PDZRN4: variants seen among roughly 807,000 people sequenced by gnomAD.
The protein encoded by PDZRN4 is PDZ domain containing ring finger 4, also known as PDZ domain-containing RING finger protein 4.
Under a neutral mutation model 99.0 loss-of-function variants are expected in PDZRN4, and 70 were observed. The observed-to-expected ratio is 0.71, with a 90% CI of 0.58 to 0.86. The LOEUF is 0.86. Among genes scored for constraint, PDZRN4 ranks in the 40% least tolerant of loss-of-function variants. The pLI is 0.00. For synonymous variants in PDZRN4, 551 were observed against 501.6 expected, an observed-to-expected ratio of 1.10 and a Z score of -1.32; for missense variants, 1,474 against 1,331.2, an observed-to-expected ratio of 1.11 and a Z score of -1.67.
chr12:41,391,085 T>A (rs1466263347), intron 3 of PDZRN4, among the ~76,000 whole-genome samples: 2 of 152,166 alleles, frequency 1.3e-5, no homozygotes, highest in African/African-American at 4.8e-5. Flanking sequence ...GGTTTCTTGT[T>A]AAAATTCCAT....
chr12:41,398,493 G>A (rs1952266543), intron 3 of PDZRN4, among the ~76,000 whole-genome samples: 1 of 151,982 alleles, frequency 6.6e-6, no homozygotes, highest in Non-Finnish European at 1.5e-5. Flanking sequence ...AAAAATATTA[G>A]AACACTCCCC....
intron 3 of PDZRN4, among the ~76,000 whole-genome samples, chr12:41,336,085 C>T (rs1253282836): frequency 3.3e-5 from 5 of 152,092 alleles, no homozygotes; most frequent in African/African-American, 1.2e-4. Flanking sequence ...TAACAATTCT[C>T]ATTCAAAAGT....
chr12:41,364,252 G>A (rs1013616615), intron 3 of PDZRN4, among the ~76,000 whole-genome samples: 1 of 151,986 alleles, frequency 6.6e-6, no homozygotes, highest in African/African-American at 2.4e-5. Context: ...CCTTCCCACA[G>A]TAATCATTTA....
intron 3 of PDZRN4, among the ~76,000 whole-genome samples, chr12:41,310,147 G>T (rs377275909): frequency 1.7e-4 from 26 of 152,076 alleles, no homozygotes; most frequent in East Asian, 5.8e-4. Flanking sequence ...TAGCCAGGCT[G>T]GTCTTGAACT....
rs533191782 is a variant in PDZRN4, at chr12:41,527,358, T to A, written c.1203+17445T>A. ...TTTTCATAATGAGAAACTTGGACTTTACGCTACAGGTAATGGGACAGCAAT... is the reference window on the plus strand; with the variant it reads ...TTTTCATAATGAGAAACTTGGACTTAACGCTACAGGTAATGGGACAGCAAT... On this transcript the variant is annotated intron_variant, in intron 5 of 9. Coordinates refer to ENST00000402685, the MANE Select transcript of PDZRN4 (RefSeq NM_001164595.2). Among the ~76,000 whole-genome samples the A allele has an allele frequency of 2.0e-5, 3 of 152,294 alleles. No individual in the cohort carries two copies. The South Asian group carries it at 6.2e-4, about 32-fold the overall frequency.
intron 3 of PDZRN4, among the ~76,000 whole-genome samples, chr12:41,447,720 A>G (rs1952740928): frequency 6.6e-6 from 1 of 152,160 alleles, no homozygotes. Context: ...TAACAAATTC[A>G]TATTGTCAGC....
At chr12:41,392,970 C>T (rs532440434) in intron 3 of PDZRN4, among the ~76,000 whole-genome samples, 2 of 152,306 alleles carry the variant, frequency 1.3e-5, no homozygotes, top group South Asian at 2.1e-4. Flanking sequence ...GTTATTCATT[C>T]AGGAAGATTT....
chr12:41,240,514 A>G (rs1951095099), intron 3 of PDZRN4, among the ~76,000 whole-genome samples: 1 of 152,222 alleles, frequency 6.6e-6, no homozygotes, highest in African/African-American at 2.4e-5. Context: ...GTTACAATGA[A>G]GACAGTGAAC....
chr12:41,397,333 T>C (rs996508540), intron 3 of PDZRN4, among the ~76,000 whole-genome samples: 3 of 152,184 alleles, frequency 2.0e-5, no homozygotes, highest in African/African-American at 7.2e-5. Flanking sequence ...TGTCTTATTT[T>C]CAATCCAAAA....
chr12:41,510,045 A>G (rs1422173168), intron 5 of PDZRN4, 132 bp downstream of exon 5: 12 of 472,586 alleles, frequency 2.5e-5, no homozygotes, highest in African/African-American at 1.6e-4. Context: ...GATCTTTCAA[A>G]TACTATTTGC....
At chr12:41,557,271 A>G (rs1939185435) in intron 7 of PDZRN4, among the ~76,000 whole-genome samples, 1 of 152,126 alleles carries the variant, frequency 6.6e-6, no homozygotes, top group South Asian at 2.1e-4. Context: ...TTCACTGCCA[A>G]TCACAACTGT....
chr12:41,317,162 A>G lies in PDZRN4; in HGVS notation c.843+122974A>G, dbSNP rs117685888. Among the ~76,000 whole-genome samples, 1,396 of 150,448 alleles carry G rather than the reference A, an allele frequency of 9.3e-3. 12 individuals are homozygous for G. Among genetic ancestry groups the G allele is most frequent in the Non-Finnish European group, 0.015 (1,026 of 67,546 alleles). ...TTCTCATATATATATTTAGAGAGAGAGAGATAAATAGGTAAACATCTATCT... is the reference window on the plus strand; with the variant it reads ...TTCTCATATATATATTTAGAGAGAGGGAGATAAATAGGTAAACATCTATCT... On this transcript the variant is annotated intron_variant, in intron 3 of 9. Transcript: ENST00000402685.
Position 41,406,289 on chromosome 12 carries a change from G to A in PDZRN4, c.844-100167G>A, listed in dbSNP as rs568616186. Among the ~76,000 whole-genome samples, 3 of 151,576 alleles carry A rather than the reference G, an allele frequency of 2.0e-5. No homozygotes were observed. In the South Asian group the frequency reaches 6.3e-4, roughly 32 times the overall value. ...AATGTTATATTTAGTGAGAAGAAAA[G>A]AAAATGAGGAAATGACACATTTAGT... On this transcript the variant is annotated intron_variant, in intron 3 of 9. Transcript: ENST00000402685.
chr12:41,295,013 A>AG (rs958168586), intron 3 of PDZRN4, among the ~76,000 whole-genome samples: 1 of 150,866 alleles, frequency 6.6e-6, no homozygotes, highest in Non-Finnish European at 1.5e-5. Flanking sequence ...AAAAAAAAAA[A>AG]TCGCAGTAGC....
At chr12:41,354,026 C>T (rs1045870757) in intron 3 of PDZRN4, among the ~76,000 whole-genome samples, 5 of 151,916 alleles carry the variant, frequency 3.3e-5, no homozygotes, top group Non-Finnish European at 5.9e-5. Context: ...ATTTGAGAGA[C>T]GGTAACTAGA....
chr12:41,277,745 T>C (rs1951359110), intron 3 of PDZRN4, among the ~76,000 whole-genome samples: 1 of 152,204 alleles, frequency 6.6e-6, no homozygotes, highest in South Asian at 2.1e-4. Flanking sequence ...GAAGAGACTC[T>C]GCTGCTCTTT....
At chr12:41,554,515 A>G (rs1377360719) in intron 6 of PDZRN4, among the ~76,000 whole-genome samples, 1 of 152,152 alleles carries the variant, frequency 6.6e-6, no homozygotes, top group Non-Finnish European at 1.5e-5. Flanking sequence ...AGAAAGTAAT[A>G]TCTAACATAT....
chr12:41,214,431 A>G (rs1381787489), intron 3 of PDZRN4, among the ~76,000 whole-genome samples: 1 of 93,236 alleles, frequency 1.1e-5, no homozygotes, highest in Non-Finnish European at 2.1e-5. Context: ...CCTGTCCCCT[A>G]AAAAAAAAAA....
At chr12:41,218,085 A>G (rs972947841) in intron 3 of PDZRN4, among the ~76,000 whole-genome samples, 6 of 152,122 alleles carry the variant, frequency 3.9e-5, no homozygotes, top group African/African-American at 1.2e-4. Flanking sequence ...TCTACCATTC[A>G]GGCTGCTCCC....
Sources: allele counts gnomAD v4.1 joint callset (sites outside exome capture counted in the v4.1 genomes callset), GRCh38; gene constraint gnomAD v4.1.1; transcripts MANE v1.5; gene names NCBI Gene and HGNC (gene_info 2026-07-23, HGNC 2026-07-21).